HDAC9: variants seen among roughly 807,000 people sequenced by gnomAD.
The protein encoded by HDAC9 is MEF-2 interacting transcription repressor (MITR) protein.
A neutral mutation model predicts 139.4 loss-of-function variants in HDAC9; 41 were observed. The observed-to-expected ratio is 0.29, with a 90% confidence interval of 0.23 to 0.38. The LOEUF is 0.38. HDAC9 is among the 10% of genes least tolerant of loss of function. The pLI is 1.00. For missense variants in HDAC9, 1,147 were observed against 1,297.0 expected, an observed-to-expected ratio of 0.88 and a Z score of 1.78; for synonymous variants, 517 against 476.2, an observed-to-expected ratio of 1.09 and a Z score of -1.12.
At chr7:18,934,641 A>T (rs529451947) in intron 22 of HDAC9, among the ~76,000 whole-genome samples, 41 of 152,308 alleles carry the variant, frequency 2.7e-4, no homozygotes, top group African/African-American at 8.7e-4. Context: ...ACACAATAAG[A>T]TGCCATTTTT....
Position 18,495,847 on chromosome 7 carries a change from T to G in HDAC9, c.-218T>G. On this transcript the variant is annotated 5_prime_UTR_variant, in exon 1 of 26. Transcript: ENST00000686413. ...AAAACCCTAGCAGCCTGAAGAACTC[T>G]AAGCCAGGTTTAATTGGTTTCTTTT... 3.8e-6 allele frequency: 4 copies of G among 1,054,356 alleles called. No individual in the cohort carries two copies. Among genetic ancestry groups the G allele is most frequent in the Non-Finnish European group, 3.4e-6 (3 of 875,300 alleles). 65.3% of individuals were successfully genotyped at this position (1,054,356 alleles called of 1,614,324 possible).
At chr7:18,496,829 C>T (rs2128141257) in intron 2 of HDAC9, 1 of 152,362 alleles carries the variant, frequency 6.6e-6, no homozygotes, top group South Asian at 2.1e-4. Flanking sequence ...TTCTTTTTTC[C>T]ATTATGTGGC....
intron 2 of HDAC9, among the ~76,000 whole-genome samples, chr7:18,281,272 A>G (rs1376253529): frequency 6.6e-6 from 1 of 152,218 alleles, no homozygotes; most frequent in Non-Finnish European, 1.5e-5. Context: ...TTATCGTGGT[A>G]TTAGTGAGCA....
At chr7:18,331,016 T>G (rs1301175042) in intron 1 of HDAC9, among the ~76,000 whole-genome samples, 1 of 151,682 alleles carries the variant, frequency 6.6e-6, no homozygotes, top group East Asian at 1.9e-4. Context: ...AGTTGACCAA[T>G]TAATAACTGG....
rs1298055082 is a variant in HDAC9 at position 18,591,631 on chromosome 7, G to C, written c.531G>C (p.Lys177Asn). 6.2e-7 allele frequency: 1 copy of C among 1,613,304 alleles called. No individual in the cohort carries two copies. The highest frequency in any genetic ancestry group is 1.7e-5 in the Admixed American group (1 of 59,894). ...ATCATTCCGTGAGCCGCCATCCCAA[G>C]CTCTGGTACACGTATGTTCAGTGTT... is the stretch of plus-strand genomic sequence containing the variant. ...GKNHSVSRHPKLWYTAAHHTS... is the reference protein window; with the variant it reads ...GKNHSVSRHPNLWYTAAHHTS... Residue 177 changes from lysine to asparagine, a missense_variant, in exon 5 of 26, where the codon AAG becomes AAC. By Grantham distance (94) the Lys-to-Asn change is moderately conservative. Around this residue, in one of 7 missense-constraint regions of HDAC9, gnomAD observed 79 missense variants for 65.8 expected, o/e 1.20. Coordinates refer to ENST00000686413, the MANE Select transcript of HDAC9 (RefSeq NM_178425.4).
chr7:18,717,927 CT>C (rs1784828980), intron 12 of HDAC9, among the ~76,000 whole-genome samples: 1 of 151,818 alleles, frequency 6.6e-6, no homozygotes, highest in African/African-American at 2.4e-5. Context: ...GGGATAGAAA[CT>C]TTTTTACTAT....
At chr7:18,967,506 CAA>C (rs777814332) in intron 24 of HDAC9, among the ~76,000 whole-genome samples, 3,363 of 118,948 alleles carry the variant, frequency 0.028, 83 homozygotes, top group Middle Eastern at 0.035. Flanking sequence ...GCCCCCCCCC[CAA>C]AAAAAAAAAA....
chr7:18,102,258 G>T (rs961832716), intron 1 of HDAC9, among the ~76,000 whole-genome samples: 16 of 152,170 alleles, frequency 1.1e-4, no homozygotes, highest in African/African-American at 3.9e-4. Context: ...AGGTGGTATA[G>T]TTCCATATGT....
chr7:18,215,512 T>C (rs1332460266), intron 2 of HDAC9, among the ~76,000 whole-genome samples: 1 of 152,210 alleles, frequency 6.6e-6, no homozygotes, highest in Non-Finnish European at 1.5e-5. Flanking sequence ...GTTCCTCTTT[T>C]ACCATGTGAA....
intron 2 of HDAC9, among the ~76,000 whole-genome samples, chr7:18,165,885 G>T (rs1368722684): frequency 2.0e-5 from 3 of 151,982 alleles, no homozygotes; most frequent in African/African-American, 7.2e-5. Flanking sequence ...TAGTGGCTTT[G>T]CGTCTATCTA....
At chr7:18,961,909 T>C (rs1783550113) in intron 24 of HDAC9, among the ~76,000 whole-genome samples, 1 of 152,174 alleles carries the variant, frequency 6.6e-6, no homozygotes, top group Admixed American at 6.5e-5. Flanking sequence ...AGTTCATTCC[T>C]TTTGCAATTT....
intron 23 of HDAC9, among the ~76,000 whole-genome samples, chr7:18,950,196 C>A (rs1013480740): frequency 1.3e-5 from 2 of 152,048 alleles, no homozygotes; most frequent in African/African-American, 4.8e-5. Flanking sequence ...TTGGAAGCAA[C>A]CTTTTCTCCT....
intron 22 of HDAC9, among the ~76,000 whole-genome samples, chr7:18,927,047 A>G (rs573274202): frequency 1.3e-5 from 2 of 152,350 alleles, no homozygotes; most frequent in East Asian, 1.9e-4. Context: ...AAATCTTAAC[A>G]TGAAATGAAT....
chr7:18,614,022 A>G (rs1414412921), intron 6 of HDAC9, among the ~76,000 whole-genome samples: 1 of 151,860 alleles, frequency 6.6e-6, no homozygotes, highest in South Asian at 2.1e-4. Context: ...TAACTTTTCT[A>G]TTTCAATTGT....
intron 14 of HDAC9, among the ~76,000 whole-genome samples, chr7:18,759,099 G>A (rs923442833): frequency 5.3e-5 from 8 of 152,060 alleles, no homozygotes; most frequent in African/African-American, 1.4e-4. Flanking sequence ...TATAACTAGC[G>A]GAGAAAACTG....
At position 18,356,364 on chromosome 7, in the gene HDAC9, T is replaced by TTG. The variant is rs1245431520; in HGVS notation, c.-42+65850_-42+65851insGT. On this transcript the variant is annotated intron_variant, in intron 1 of 3. Transcript: ENST00000413509. ...TCTAGAGGGCAGCACATAGGTTTTT[T>TTG]TTTTTTTTTTTTTTTTTTTTTAAAG... Among the ~76,000 whole-genome samples, 6 of 139,700 alleles carry TTG rather than the reference T, an allele frequency of 4.3e-5. No individual in the cohort carries two copies. The East Asian group carries it at 1.3e-3, about 29-fold the overall frequency. The allele number at this position is 139,700 out of a possible 152,430, so 91.6% of individuals were successfully genotyped here. A position where few individuals can be genotyped will look rare whatever the true frequency, so the allele number is the denominator to read the frequency against.
chr7:18,747,674 A>G (rs1324217380), intron 13 of HDAC9, among the ~76,000 whole-genome samples: 1 of 152,196 alleles, frequency 6.6e-6, no homozygotes, highest in East Asian at 1.9e-4. Flanking sequence ...GAGGATGAAA[A>G]TGTGAGAATC....
At chr7:18,960,183 C>A (rs1563087744) in intron 24 of HDAC9, among the ~76,000 whole-genome samples, 2 of 152,080 alleles carry the variant, frequency 1.3e-5, no homozygotes, top group East Asian at 3.9e-4. Context: ...AAAGCATAAT[C>A]AGTTATCTCC....
chr7:18,502,896 AT>A (rs1019758377), intron 2 of HDAC9, among the ~76,000 whole-genome samples: 6 of 152,004 alleles, frequency 3.9e-5, no homozygotes, highest in African/African-American at 7.2e-5. Flanking sequence ...GGCACACAAA[AT>A]TTTTTTTGAG....
Sources: allele counts gnomAD v4.1 joint callset (sites outside exome capture counted in the v4.1 genomes callset), GRCh38; gene constraint gnomAD v4.1.1; regional missense constraint gnomAD v4.1.1; transcripts MANE v1.5; gene names NCBI Gene and HGNC (gene_info 2026-07-23, HGNC 2026-07-21).